The following ZNF804B variants were observed in gnomAD, a reference collection of about 807,000 sequenced individuals.
ZNF804B encodes zinc finger 804B.
A neutral mutation model predicts 101.4 loss-of-function variants in ZNF804B; 80 were observed. The observed-to-expected ratio is 0.79, with a 90% CI of 0.66 to 0.95. ZNF804B has a LOEUF of 0.95. ZNF804B is among the 40% of genes least tolerant of loss of function. The probability of loss-of-function intolerance (pLI) is 0.00; values close to 1 mark genes in which losing one functional copy is unlikely to be tolerated. For synonymous variants in ZNF804B, 622 were observed against 558.8 expected, an observed-to-expected ratio of 1.11 and a Z score of -1.59; for missense variants, 1,673 against 1,561.9, an observed-to-expected ratio of 1.07 and a Z score of -1.20.
chr7:88,845,770 G>A (rs2115816645), intron 1 of ZNF804B, among the ~76,000 whole-genome samples: 1 of 152,212 alleles, frequency 6.6e-6, no homozygotes, highest in African/African-American at 2.4e-5. Context: ...GAACTTTCCA[G>A]TTTGCAACTG....
At chr7:89,157,342 C>T (rs978651514) in intron 1 of ZNF804B, among the ~76,000 whole-genome samples, 1 of 152,146 alleles carries the variant, frequency 6.6e-6, no homozygotes, top group Non-Finnish European at 1.5e-5. Context: ...TCTCAACTAT[C>T]ATTTTTCATC....
At position 89,285,546 on chromosome 7, in the gene ZNF804B, A is replaced by AAAG. The variant is rs774736524; in HGVS notation, c.250-41768_250-41766dup. On this transcript the variant is annotated intron_variant, in intron 2 of 3. Coordinates refer to ENST00000333190, the MANE Select transcript of ZNF804B (RefSeq NM_181646.5). ...TCAAAAAAAAAAAAAAAAAAAAAAA[A>AAAG]AAGAAGAAGAAGAAGAAGAAGAAGA... is the stretch of plus-strand genomic sequence containing the variant. Among the ~76,000 whole-genome samples the AAAG allele has an allele frequency of 7.8e-3, 730 of 93,234 alleles. 9 individuals are homozygous for AAAG. The highest frequency in any genetic ancestry group is 0.011 in the East Asian group (45 of 4,226). 61.2% of individuals were successfully genotyped at this position (93,234 alleles called of 152,430 possible). A position where few individuals can be genotyped will look rare whatever the true frequency, so the allele number is the denominator to read the frequency against.
chr7:88,870,399 A>AG (rs1791803441), intron 1 of ZNF804B, among the ~76,000 whole-genome samples: 8 of 145,614 alleles, frequency 5.5e-5, no homozygotes, highest in Admixed American at 5.5e-4. Flanking sequence ...AAAAAAAAAA[A>AG]AAAAAAAAGG....
At position 89,210,894 on chromosome 7, in the gene ZNF804B, G is replaced by A. The variant is rs189066502; in HGVS notation, c.109-7261G>A. Among the ~76,000 whole-genome samples the A allele has an allele frequency of 1.4e-4, 22 of 152,290 alleles. No homozygotes were observed. The East Asian group carries it at 3.9e-3, about 27-fold the overall frequency. On this transcript the variant is annotated intron_variant, in intron 1 of 3. Transcript: ENST00000333190. The stretch of plus-strand genomic sequence containing the variant: ...ATTGCTGGATCAAATGGTATTTCTA[G>A]TTCTAGATCTTTGATGAATTACTAC...
chr7:89,273,450 C>T (rs952604145), intron 2 of ZNF804B, among the ~76,000 whole-genome samples: 2 of 152,002 alleles, frequency 1.3e-5, no homozygotes, highest in Non-Finnish European at 2.9e-5. Flanking sequence ...AATTAATTTT[C>T]AAGTTAAAAT....
chr7:88,902,738 T>C lies in ZNF804B; in HGVS notation c.108+142654T>C, dbSNP rs1291689834. On this transcript the variant is annotated intron_variant, in intron 1 of 3. Transcript: ENST00000333190. The stretch of plus-strand genomic sequence containing the variant: ...ATATTTAAATACACTATGTTATAAA[T>C]GAAAGTTTATTTAAATGCATAAAAC... Among the ~76,000 whole-genome samples, 4 of 152,176 alleles carry C rather than the reference T, an allele frequency of 2.6e-5. No homozygotes were observed. In the East Asian group the frequency reaches 7.7e-4, roughly 29 times the overall value.
chr7:89,064,826 C>G (rs534092909), intron 1 of ZNF804B, among the ~76,000 whole-genome samples: 1 of 152,218 alleles, frequency 6.6e-6, no homozygotes, highest in East Asian at 1.9e-4. Flanking sequence ...GTGCCAGAAG[C>G]AGAATTCGAT....
At chr7:88,780,977 C>T (rs1790217844) in intron 1 of ZNF804B, among the ~76,000 whole-genome samples, 1 of 152,140 alleles carries the variant, frequency 6.6e-6, no homozygotes, top group South Asian at 2.1e-4. Context: ...CATCAGGCAA[C>T]AAGGCACAGT....
chr7:88,966,812 A>G (rs1793461006), intron 1 of ZNF804B, among the ~76,000 whole-genome samples: 1 of 151,620 alleles, frequency 6.6e-6, no homozygotes, highest in East Asian at 2.0e-4. Context: ...GATTAAAAAA[A>G]CATTCTCAGT....
intron 1 of ZNF804B, among the ~76,000 whole-genome samples, chr7:89,090,326 A>G (rs192480026): frequency 2.0e-5 from 3 of 152,138 alleles, no homozygotes; most frequent in Admixed American, 2.0e-4. Flanking sequence ...TAAATATGAA[A>G]ATTTTTTAAA....
chr7:88,998,433 A>G (rs1788230538), intron 1 of ZNF804B, among the ~76,000 whole-genome samples: 1 of 152,090 alleles, frequency 6.6e-6, no homozygotes, highest in Admixed American at 6.6e-5. Flanking sequence ...TGTGCAAATG[A>G]AAGAAGATTC....
chr7:89,329,924 T>G (rs1178330516), intron 3 of ZNF804B, among the ~76,000 whole-genome samples: 1 of 151,568 alleles, frequency 6.6e-6, no homozygotes, highest in Non-Finnish European at 1.5e-5. Flanking sequence ...TCATGTTGTT[T>G]TGATATGTTT....
intron 2 of ZNF804B, among the ~76,000 whole-genome samples, chr7:89,261,576 G>C (rs1394612508): frequency 6.6e-6 from 1 of 151,988 alleles, no homozygotes; most frequent in East Asian, 1.9e-4. Context: ...TGTGTTGTTA[G>C]GCAGTTTCAT....
Position 89,337,067 on chromosome 7 carries a change from T to A in ZNF804B, c.*35T>A, listed in dbSNP as rs747208130. On this transcript the variant is annotated 3_prime_UTR_variant, in exon 4 of 4. Transcript: ENST00000333190. ...AAGCCCCTCCTGTGGATAATTTTTT[T>A]AATTGTCACTACCTATAAAATCATA... The A allele has an allele frequency of 1.2e-5, 19 of 1,557,038 alleles. No individual in the cohort carries two copies. The highest frequency in any genetic ancestry group is 1.6e-5 in the Non-Finnish European group (18 of 1,147,768).
intron 1 of ZNF804B, among the ~76,000 whole-genome samples, chr7:89,142,401 A>G (rs1023318890): frequency 1.3e-5 from 2 of 152,012 alleles, no homozygotes; most frequent in African/African-American, 4.8e-5. Flanking sequence ...TTGACCATCC[A>G]GAAAGTCAAC....
intron 1 of ZNF804B, among the ~76,000 whole-genome samples, chr7:88,803,166 A>C (rs933476701): frequency 1.3e-5 from 2 of 150,152 alleles, no homozygotes; most frequent in African/African-American, 4.8e-5. Flanking sequence ...AGAAAAAAAA[A>C]CGTTAAAAAA....
chr7:89,000,806 A>G (rs1788274019), intron 1 of ZNF804B, among the ~76,000 whole-genome samples: 2 of 150,990 alleles, frequency 1.3e-5, no homozygotes, highest in Non-Finnish European at 3.0e-5. Flanking sequence ...GCAAATGGCA[A>G]GATTTCTTTC....
intron 1 of ZNF804B, among the ~76,000 whole-genome samples, chr7:88,978,641 CTT>C: frequency 6.6e-6 from 1 of 151,092 alleles, no homozygotes; most frequent in African/African-American, 2.4e-5. Flanking sequence ...ACCATTTGCT[CTT>C]GTTTTTTTTT....
chr7:89,030,161 G>T (rs1316281949), intron 1 of ZNF804B, among the ~76,000 whole-genome samples: 2 of 152,072 alleles, frequency 1.3e-5, no homozygotes, highest in Non-Finnish European at 2.9e-5. Flanking sequence ...GAAAGTCTGG[G>T]TCCCAGACTG....
Sources: allele counts gnomAD v4.1 joint callset (sites outside exome capture counted in the v4.1 genomes callset), GRCh38; gene constraint gnomAD v4.1.1; transcripts MANE v1.5; gene names NCBI Gene and HGNC (gene_info 2026-07-23, HGNC 2026-07-21).